WDPCP: variants seen among roughly 807,000 people sequenced by gnomAD.
The protein encoded by WDPCP is WD repeat-containing and planar cell polarity effector protein fritz homolog.
WDPCP carries 71 observed loss-of-function variants against 93.1 expected under a neutral mutation model. That is an observed-to-expected ratio of 0.76 (90% confidence interval 0.63 to 0.93). WDPCP has a LOEUF of 0.93. WDPCP is among the 40% of genes least tolerant of loss of function. The pLI, the probability that WDPCP is intolerant of heterozygous loss-of-function variation, is 0.00. For synonymous variants in WDPCP, 315 were observed against 315.0 expected, an observed-to-expected ratio of 1.00 and a Z score of 0.00; for missense variants, 844 against 887.4, an observed-to-expected ratio of 0.95 and a Z score of 0.62.
intron 12 of WDPCP, among the ~76,000 whole-genome samples, chr2:63,366,870 C>G (rs931200031): frequency 6.6e-6 from 1 of 151,880 alleles, no homozygotes; most frequent in Non-Finnish European, 1.5e-5. Flanking sequence ...AGTTCTAATT[C>G]TAGTCTATCA....
chr2:63,707,031 C>G (rs1331127574), intron 2 of WDPCP, among the ~76,000 whole-genome samples: 1 of 152,068 alleles, frequency 6.6e-6, no homozygotes, highest in African/African-American at 2.4e-5. Flanking sequence ...TGTGGGTAAC[C>G]CGACCTTTCT....
intron 2 of WDPCP, among the ~76,000 whole-genome samples, chr2:63,729,671 T>C (rs1669534715): frequency 6.6e-6 from 1 of 152,188 alleles, no homozygotes; most frequent in African/African-American, 2.4e-5. Flanking sequence ...CAATTTTCTA[T>C]TTTCTTATTT....
intron 9 of WDPCP, among the ~76,000 whole-genome samples, chr2:63,415,102 G>A (rs1179284066): frequency 6.6e-6 from 1 of 152,100 alleles, no homozygotes; most frequent in African/African-American, 2.4e-5. Context: ...AAATACTTTA[G>A]TATAATCCCA....
intron 15 of WDPCP, among the ~76,000 whole-genome samples, chr2:63,170,797 G>C (rs1673328540): frequency 6.6e-6 from 1 of 152,078 alleles, no homozygotes; most frequent in African/African-American, 2.4e-5. Context: ...TGTTTTGTGA[G>C]ATCCTAGTTC....
At chr2:63,268,731 G>A (rs1253484027) in intron 13 of WDPCP, among the ~76,000 whole-genome samples, 1 of 50,956 alleles carries the variant, frequency 2.0e-5, no homozygotes, top group East Asian at 2.3e-3. Flanking sequence ...TCCTCTCACT[G>A]TAGCCTCCCA....
chr2:63,689,787 A>G (rs774214941), intron 2 of WDPCP, among the ~76,000 whole-genome samples: 1 of 152,210 alleles, frequency 6.6e-6, no homozygotes, highest in Non-Finnish European at 1.5e-5. Flanking sequence ...AGAGTGCATA[A>G]TTCAGCTGCT....
At chr2:63,320,424 G>T (rs1420047585) in intron 12 of WDPCP, among the ~76,000 whole-genome samples, 7 of 152,096 alleles carry the variant, frequency 4.6e-5, no homozygotes, top group Non-Finnish European at 1.0e-4. Context: ...CAAATATAAA[G>T]AACTCCATTA....
At chr2:63,622,251 G>C (rs532857693) in intron 3 of WDPCP, 1 of 1,611,240 alleles carries the variant, frequency 6.2e-7, no homozygotes, top group South Asian at 1.1e-5. Context: ...CTCTGTAGCT[G>C]CCAGTGCCGT....
chr2:63,589,177 C>G (rs1279730056), upstream of WDPCP: 3 of 1,608,580 alleles, frequency 1.9e-6, no homozygotes, highest in Non-Finnish European at 2.5e-6. Flanking sequence ...CAAGCTCGGA[C>G]TCATCTTCTG....
At chr2:63,605,745 G>C (rs1709514692) in intron 3 of WDPCP, 1 of 610,168 alleles carries the variant, frequency 1.6e-6, no homozygotes, top group East Asian at 2.8e-5. Flanking sequence ...CTTCACATAT[G>C]ATATGGAAGC....
chr2:63,454,545 C>A (rs1698495637), intron 6 of WDPCP, among the ~76,000 whole-genome samples: 1 of 151,836 alleles, frequency 6.6e-6, no homozygotes, highest in Non-Finnish European at 1.5e-5. Flanking sequence ...AAAGAATGAG[C>A]AAAGTCTCTG....
chr2:63,255,811 CT>C (rs1267206555), intron 14 of WDPCP, among the ~76,000 whole-genome samples: 1 of 152,076 alleles, frequency 6.6e-6, no homozygotes, highest in Non-Finnish European at 1.5e-5. Context: ...AAAGAATTTA[CT>C]AACTGTTGGC....
In WDPCP at chr2:63,648,061, G is replaced by A. The variant is rs553736931; in HGVS notation, n.488+2598C>T. 2.0e-3 allele frequency among the ~76,000 whole-genome samples: 310 copies of A among 152,198 alleles called. 1 individual carries two copies. The highest frequency in any genetic ancestry group is 6.7e-3 in the African/African-American group (278 of 41,538). On this transcript the variant is annotated intron_variant and non_coding_transcript_variant, in intron 3 of 4. Coordinates refer to the WDPCP transcript ENST00000467687. The stretch of plus-strand genomic sequence containing the variant: ...CGGATAGCTCCTTGAATATTTTTAG[G>A]AAAAGGAACACTCTTCTGGTTAAGA...
At chr2:63,521,139 G>A (rs947134176) in intron 1 of WDPCP, among the ~76,000 whole-genome samples, 1 of 152,076 alleles carries the variant, frequency 6.6e-6, no homozygotes, top group Non-Finnish European at 1.5e-5. Flanking sequence ...GATACTATAA[G>A]GCAACCACAC....
At chr2:63,661,899 T>C (rs1710231396) in intron 2 of WDPCP, among the ~76,000 whole-genome samples, 1 of 152,032 alleles carries the variant, frequency 6.6e-6, no homozygotes, top group African/African-American at 2.4e-5. Flanking sequence ...GTGGCAAAAA[T>C]CACTGGGACA....
intron 1 of WDPCP, among the ~76,000 whole-genome samples, chr2:63,536,076 A>G (rs1477626865): frequency 6.6e-6 from 1 of 152,258 alleles, no homozygotes; most frequent in African/African-American, 2.4e-5. Context: ...ACTTCTCAAA[A>G]GAAGACATCT....
chr2:63,751,971 G>A, intron 2 of WDPCP: 1 of 635,596 alleles, frequency 1.6e-6, no homozygotes, highest in Non-Finnish European at 3.0e-6. Flanking sequence ...GACCACTGAA[G>A]TTTCCTCCAC....
intron 2 of WDPCP, among the ~76,000 whole-genome samples, chr2:63,795,222 T>C (rs1250299503): frequency 1.3e-5 from 2 of 151,750 alleles, no homozygotes; most frequent in Admixed American, 1.3e-4. Flanking sequence ...AATTGTGGAG[T>C]TGGATGAGTG....
At chr2:63,681,682 A>C (rs1710492149) in intron 2 of WDPCP, among the ~76,000 whole-genome samples, 1 of 152,136 alleles carries the variant, frequency 6.6e-6, no homozygotes, top group Admixed American at 6.5e-5. Context: ...CAAGGCCTTG[A>C]GTGAATATAG....
Sources: gnomAD v4.1 joint callset for allele counts (sites outside exome capture counted in the v4.1 genomes callset) on GRCh38, gnomAD v4.1.1 for gene constraint, MANE v1.5 for transcripts, NCBI Gene and HGNC (gene_info 2026-07-23, HGNC 2026-07-21) for gene names.